The following FER variants were observed in gnomAD, a reference collection of about 807,000 sequenced individuals.
The protein encoded by FER is FER tyrosine kinase.
A neutral mutation model predicts 111.0 loss-of-function variants in FER; 63 were observed. The observed-to-expected ratio is 0.57, with a 90% CI of 0.46 to 0.70. The LOEUF (loss-of-function observed/expected upper bound fraction) is 0.70. Among genes scored for constraint, FER ranks in the 30% least tolerant of loss-of-function variants. FER has a pLI of 0.00. For missense variants in FER, 914 were observed against 954.0 expected, an observed-to-expected ratio of 0.96 and a Z score of 0.55; for synonymous variants, 327 against 313.9, an observed-to-expected ratio of 1.04 and a Z score of -0.44.
chr5:108,757,319 T>C (rs540037427), intron 1 of FER, among the ~76,000 whole-genome samples: 4 of 152,318 alleles, frequency 2.6e-5, no homozygotes, highest in African/African-American at 9.6e-5. Context: ...TTTGGCTTTG[T>C]TCTGTTTGAG....
intron 16 of FER, among the ~76,000 whole-genome samples, chr5:109,069,335 A>G (rs1775498836): frequency 6.6e-6 from 1 of 152,188 alleles, no homozygotes; most frequent in Non-Finnish European, 1.5e-5. Context: ...CTCAGAGATA[A>G]TAAGAGATAG....
intron 8 of FER, among the ~76,000 whole-genome samples, chr5:108,873,018 A>G (rs576133402): frequency 1.3e-5 from 2 of 152,242 alleles, no homozygotes; most frequent in Non-Finnish European, 2.9e-5. Flanking sequence ...TCCCCACCTA[A>G]TATAATTAAA....
chr5:108,948,201 T>A (rs1757247391), intron 11 of FER, among the ~76,000 whole-genome samples: 1 of 152,094 alleles, frequency 6.6e-6, no homozygotes. Context: ...ACGATTTACC[T>A]CTGTTTTTAA....
intron 5 of FER, among the ~76,000 whole-genome samples, chr5:108,856,742 T>A (rs567426570): frequency 6.6e-6 from 1 of 152,284 alleles, no homozygotes; most frequent in African/African-American, 2.4e-5. Context: ...ACTCGACTAG[T>A]CTTCTAAAGT....
At chr5:108,807,420 G>A (rs1457214394) in intron 3 of FER, among the ~76,000 whole-genome samples, 4 of 152,124 alleles carry the variant, frequency 2.6e-5, no homozygotes, top group Admixed American at 2.6e-4. Flanking sequence ...AGAGGTATTC[G>A]TAATAGTCTC....
chr5:108,826,816 A>G (rs1316321475), intron 3 of FER, among the ~76,000 whole-genome samples: 2 of 152,166 alleles, frequency 1.3e-5, no homozygotes, highest in African/African-American at 4.8e-5. Context: ...TTCATGATTC[A>G]GTCTTGGTAG....
At chr5:109,119,972 A>G (rs1750762412) in intron 17 of FER, among the ~76,000 whole-genome samples, 1 of 152,002 alleles carries the variant, frequency 6.6e-6, no homozygotes, top group South Asian at 2.1e-4. Flanking sequence ...GTGGATCATT[A>G]GATTTTTCTT....
intron 16 of FER, among the ~76,000 whole-genome samples, chr5:109,072,831 C>T (rs901245807): frequency 3.3e-5 from 5 of 152,032 alleles, no homozygotes; most frequent in Non-Finnish European, 7.4e-5. Context: ...GGCCATGCTC[C>T]CTCCAAAAGC....
intron 10 of FER, among the ~76,000 whole-genome samples, chr5:108,938,174 G>T (rs1483338505): frequency 2.6e-5 from 4 of 151,716 alleles, no homozygotes; most frequent in Non-Finnish European, 5.9e-5. Context: ...TTCTTAGGAG[G>T]TCAGGAAGCA....
In FER at chr5:109,188,387, CAA is replaced by C. The variant is rs367719763; in HGVS notation, c.*824_*825del. On this transcript the variant is annotated 3_prime_UTR_variant, in exon 20 of 20. Coordinates refer to ENST00000281092, the MANE Select transcript of FER (RefSeq NM_005246.4). ...TTGCATGGTGAAACCCTGTCTCTAC[CAA>C]AAAAAAAAAAAGAAACACACACACA... 2 of 136,446 alleles carry C rather than the reference CAA, an allele frequency of 1.5e-5. No homozygotes were observed. The highest frequency in any genetic ancestry group is 1.6e-5 in the Non-Finnish European group (1 of 63,258). 8.5% of individuals were successfully genotyped at this position (136,446 alleles called of 1,614,324 possible). A position where few individuals can be genotyped will look rare whatever the true frequency, so the allele number is the denominator to read the frequency against.
At chr5:109,119,395 C>G (rs959685126) in intron 17 of FER, among the ~76,000 whole-genome samples, 6 of 152,150 alleles carry the variant, frequency 3.9e-5, no homozygotes, top group Non-Finnish European at 7.4e-5. Flanking sequence ...AATTTCTGTT[C>G]TTTTACATTT....
At chr5:108,785,640 G>T in intron 2 of FER, 3 of 350,662 alleles carry the variant, frequency 8.6e-6, no homozygotes, top group Non-Finnish European at 1.7e-5. Flanking sequence ...GTGAAGGAGA[G>T]TGTTTCCCCT....
At chr5:108,753,728 A>G (rs929155715) in intron 1 of FER, among the ~76,000 whole-genome samples, 4 of 152,338 alleles carry the variant, frequency 2.6e-5, no homozygotes, top group Non-Finnish European at 4.4e-5. Context: ...AGTATTTTAC[A>G]GATATCCCTG....
chr5:108,875,042 A>C (rs921435019), intron 8 of FER, among the ~76,000 whole-genome samples: 2 of 152,146 alleles, frequency 1.3e-5, no homozygotes, highest in African/African-American at 4.8e-5. Context: ...GTACCTGATA[A>C]AGTTATCACC....
At chr5:109,132,247 AT>A (rs1752432479) in intron 17 of FER, among the ~76,000 whole-genome samples, 1 of 152,164 alleles carries the variant, frequency 6.6e-6, no homozygotes, top group South Asian at 2.1e-4. Context: ...ATGGGCTGTG[AT>A]TTCTCAATCT....
chr5:108,992,974 A>T (rs974092031), intron 13 of FER, among the ~76,000 whole-genome samples: 1 of 147,352 alleles, frequency 6.8e-6, no homozygotes, highest in South Asian at 2.2e-4. Flanking sequence ...CACTTCCTAG[A>T]TGGGATGGCG....
chr5:109,042,899 AAGTG>A (rs1387878074), intron 14 of FER, among the ~76,000 whole-genome samples: 1 of 152,188 alleles, frequency 6.6e-6, no homozygotes, highest in Admixed American at 6.5e-5. Context: ...GAGGCCAAGA[AAGTG>A]ATAGTAATTG....
chr5:109,145,927 A>T (rs578189014), intron 17 of FER, among the ~76,000 whole-genome samples: 16 of 144,248 alleles, frequency 1.1e-4, no homozygotes, highest in South Asian at 2.1e-4. Flanking sequence ...GTTATTATTT[A>T]AAAAAAAAAT....
At chr5:109,146,071 G>C (rs1322922349) in intron 17 of FER, among the ~76,000 whole-genome samples, 6 of 150,466 alleles carry the variant, frequency 4.0e-5, no homozygotes, top group African/African-American at 1.5e-4. Context: ...ATAATGTAGA[G>C]ATTTCTCAAT....
Sources: allele counts gnomAD v4.1 joint callset (sites outside exome capture counted in the v4.1 genomes callset), GRCh38; gene constraint gnomAD v4.1.1; transcripts MANE v1.5; gene names NCBI Gene and HGNC (gene_info 2026-07-23, HGNC 2026-07-21).